The following IGFBP2 variants were observed in gnomAD, a reference collection of about 807,000 sequenced individuals.
The protein encoded by IGFBP2 is insulin-like growth factor-binding protein 2.
In IGFBP2, 12 loss-of-function variants were observed where a neutral mutation model predicts 26.2. That is an observed-to-expected ratio of 0.46 (90% CI 0.29 to 0.74). The LOEUF is 0.74. IGFBP2 is among the 30% of genes least tolerant of loss of function. The pLI, the probability that IGFBP2 is intolerant of heterozygous loss-of-function variation, is 0.09. For missense variants in IGFBP2, 328 were observed against 441.2 expected (o/e 0.74, Z 2.30); for synonymous variants, 189 against 200.6 (o/e 0.94, Z 0.49).
chr2:216,655,914 AT>A (rs1354654334), intron 1 of IGFBP2, among the ~76,000 whole-genome samples: 1 of 152,022 alleles, frequency 6.6e-6, no homozygotes, highest in Non-Finnish European at 1.5e-5. Flanking sequence ...AAAAAAAAAA[AT>A]CAAAAAACCA....
chr2:216,661,503 T>C, intron 2 of IGFBP2: 2 of 382,400 alleles, frequency 5.2e-6, no homozygotes, highest in Admixed American at 7.4e-5. Flanking sequence ...TGGTTGGTTT[T>C]ATGGAAAGAA....
chr2:216,634,686 G>A (rs970247268), intron 1 of IGFBP2, among the ~76,000 whole-genome samples: 2 of 152,182 alleles, frequency 1.3e-5, no homozygotes, highest in Non-Finnish European at 2.9e-5. Context: ...TTCCCTGGAC[G>A]GGGGCAGCCA....
chr2:216,659,262 C>CT (rs1465605216), intron 1 of IGFBP2, among the ~76,000 whole-genome samples: 1 of 152,198 alleles, frequency 6.6e-6, no homozygotes, highest in African/African-American at 2.4e-5. Flanking sequence ...TGCCCCCTCC[C>CT]TTAGTTGGTG....
At chr2:216,639,570 T>TG (rs1429300852) in intron 1 of IGFBP2, among the ~76,000 whole-genome samples, 1 of 151,332 alleles carries the variant, frequency 6.6e-6, no homozygotes, top group Non-Finnish European at 1.5e-5. Flanking sequence ...TTGTTTTTTT[T>TG]TTGTTTGTTT....
At chr2:216,662,607 C>T (rs979832534) in intron 3 of IGFBP2, 2 of 153,530 alleles carry the variant, frequency 1.3e-5, no homozygotes, top group Admixed American at 1.3e-4. Context: ...CTTCTCCCTC[C>T]TCTATCCACC....
chr2:216,633,456 G>C lies in IGFBP2; in HGVS notation c.-68G>C, dbSNP rs958627073. 14 of 301,610 alleles carry C rather than the reference G, an allele frequency of 4.6e-5. No individual in the cohort carries two copies. Among genetic ancestry groups the C allele is most frequent in the Non-Finnish European group, 6.9e-5 (14 of 202,840 alleles). The allele number at this position is 301,610 out of a possible 1,614,324, so 18.7% of individuals were successfully genotyped here. On this transcript the variant is annotated 5_prime_UTR_variant, in exon 1 of 4. Transcript: ENST00000233809. ...GGAGGAGGCGGCTCCCGCGCTCGCA[G>C]GGCCGTGCCACCTGCCCGCCCGCCC...
chr2:216,656,200 G>A (rs559345428), intron 1 of IGFBP2, among the ~76,000 whole-genome samples: 23 of 152,212 alleles, frequency 1.5e-4, no homozygotes, highest in Admixed American at 9.2e-4. Context: ...CCTCTGGGAC[G>A]CAGCCAAGGG....
intron 1 of IGFBP2, among the ~76,000 whole-genome samples, chr2:216,635,300 C>T: frequency 6.6e-6 from 1 of 152,166 alleles, no homozygotes; most frequent in Non-Finnish European, 1.5e-5. Context: ...CCTCGGCTCG[C>T]TTCCTTCCCT....
At chr2:216,658,475 T>G (rs191059167) in intron 1 of IGFBP2, among the ~76,000 whole-genome samples, 1 of 152,158 alleles carries the variant, frequency 6.6e-6, no homozygotes, top group Admixed American at 6.6e-5. Flanking sequence ...TCATCATCAG[T>G]GTAATAACCA....
intron 1 of IGFBP2, among the ~76,000 whole-genome samples, chr2:216,651,031 C>T (rs774282423): frequency 1.4e-4 from 22 of 152,064 alleles, no homozygotes; most frequent in Admixed American, 6.5e-4. Flanking sequence ...GCCTATACCG[C>T]GACAGACATC....
intron 2 of IGFBP2, chr2:216,661,550 G>A (rs375899375): frequency 2.9e-5 from 13 of 449,516 alleles, no homozygotes; most frequent in South Asian, 1.6e-4. Flanking sequence ...ATGGAGACTC[G>A]AGACGGCCAC....
At chr2:216,652,428 G>A (rs1049846058) in intron 1 of IGFBP2, among the ~76,000 whole-genome samples, 2 of 151,808 alleles carry the variant, frequency 1.3e-5, no homozygotes, top group East Asian at 1.9e-4. Context: ...TGCCCGCCTC[G>A]GCCTCCCAAA....
At chr2:216,642,949 G>A (rs1442764648) in intron 1 of IGFBP2, among the ~76,000 whole-genome samples, 6 of 152,138 alleles carry the variant, frequency 3.9e-5, no homozygotes, top group Non-Finnish European at 7.3e-5. Flanking sequence ...GGCCCTCCAG[G>A]GGAAGTCTGC....
At chr2:216,642,814 T>C (rs1326485565) in intron 1 of IGFBP2, among the ~76,000 whole-genome samples, 3 of 152,070 alleles carry the variant, frequency 2.0e-5, no homozygotes, top group Non-Finnish European at 4.4e-5. Flanking sequence ...TAACACAGGG[T>C]TGAGTTCCTC....
chr2:216,663,930 C>T lies in IGFBP2; in HGVS notation c.814-10C>T. On this transcript the variant is annotated splice_polypyrimidine_tract_variant and intron_variant, in intron 3 of 3. Coordinates refer to ENST00000233809, the MANE Select transcript of IGFBP2 (RefSeq NM_000597.3). ...GCGGGCTCCTCCATGCTCTTCTCCT[C>T]TCTCCCCAGTGCAAGATGTCTCTGA... The T allele has an allele frequency of 6.2e-7, 1 of 1,612,928 alleles. No individual in the cohort carries two copies. The highest frequency in any genetic ancestry group is 1.7e-4 in the Middle Eastern group (1 of 6,052).
chr2:216,652,356 A>C (rs1466332294), intron 1 of IGFBP2, among the ~76,000 whole-genome samples: 1 of 151,972 alleles, frequency 6.6e-6, no homozygotes, highest in Non-Finnish European at 1.5e-5. Context: ...ATGTATTTTT[A>C]GTAGAGACGG....
At chr2:216,663,865 G>A in intron 3 of IGFBP2, 75 bp from the exon 4 acceptor site, 1 of 1,516,452 alleles carries the variant, frequency 6.6e-7, no homozygotes, top group Non-Finnish European at 8.9e-7. Flanking sequence ...TGGCTGCTCA[G>A]TGGACGCCGG....
At chr2:216,662,413 G>C (rs529861215) in intron 3 of IGFBP2, 1 of 193,448 alleles carries the variant, frequency 5.2e-6, no homozygotes, top group South Asian at 1.1e-4. Context: ...CATAATCTGT[G>C]AGCCACACTC....
intron 1 of IGFBP2, among the ~76,000 whole-genome samples, chr2:216,640,197 G>T (rs1697584440): frequency 6.6e-6 from 1 of 152,110 alleles, no homozygotes; most frequent in African/African-American, 2.4e-5. Flanking sequence ...CAGCCTCAGA[G>T]ATCCATCCAA....
Sources: allele counts gnomAD v4.1 joint callset (sites outside exome capture counted in the v4.1 genomes callset), GRCh38; gene constraint gnomAD v4.1.1; transcripts MANE v1.5; gene names NCBI Gene and HGNC (gene_info 2026-07-23, HGNC 2026-07-21).